The following TNRC6A variants were observed in gnomAD, a reference collection of about 807,000 sequenced individuals.
TNRC6A encodes trinucleotide repeat containing adaptor 6A, also known as trinucleotide repeat-containing gene 6A protein.
A neutral mutation model predicts 221.2 loss-of-function variants in TNRC6A; 44 were observed. The observed-to-expected ratio is 0.20, with a 90% confidence interval of 0.16 to 0.26. The LOEUF is 0.26. Ranked by LOEUF, TNRC6A falls within the 10% of genes least tolerant of loss-of-function variation. The probability of loss-of-function intolerance (pLI) is 1.00; values close to 1 mark genes in which losing one functional copy is unlikely to be tolerated. For synonymous variants in TNRC6A, 847 were observed against 838.5 expected (o/e 1.01, Z -0.18); for missense variants, 2,199 against 2,404.4 (o/e 0.91, Z 1.79).
rs535936498 is a variant in TNRC6A at position 24,806,910 on chromosome 16, CAGAG to C, written c.4540+129_4540+132del. ...CATTGATCTCTTAGCTGTTCCCTCTCAGAGAGTTGCCATCCCCTCTCCTAGTTTT... is the reference window on the plus strand; with the variant it reads ...CATTGATCTCTTAGCTGTTCCCTCTCAGTTGCCATCCCCTCTCCTAGTTTT... On this transcript the variant is annotated intron_variant, in intron 17 of 24. Transcript: ENST00000395799. The C allele has an allele frequency of 5.7e-4, 501 of 881,338 alleles. 2 individuals are homozygous for C. The South Asian group carries it at 6.4e-3, about 11-fold the overall frequency. 54.6% of individuals were successfully genotyped at this position (881,338 alleles called of 1,614,324 possible).
rs753929692 is a variant in TNRC6A at position 24,820,247 on chromosome 16, C to T, written c.5189C>T (p.Pro1730Leu). 14 of 1,613,992 alleles carry T rather than the reference C, an allele frequency of 8.7e-6. No individual in the cohort carries two copies. The East Asian group carries it at 1.3e-4, about 15-fold the overall frequency. The change falls in exon 22 of 25, where the codon CCG (proline) becomes CTG (leucine). Residue 1730 changes from proline to leucine, a missense_variant. Pro to Leu is a moderately conservative substitution (Grantham distance 98). Transcript: ENST00000395799. ...TTGCCACCTAAAAACATCACTGCTC[C>T]GTCCCGCCCACCTCCGGGACTGACT... ...VPLPPKNITA[P>L]SRPPPGLTGQ...
chr16:24,617,162 G>C (rs1165651256), intron 1 of TNRC6A, among the ~76,000 whole-genome samples: 1 of 148,414 alleles, frequency 6.7e-6, no homozygotes, highest in African/African-American at 2.5e-5. Flanking sequence ...GTCCCACTCT[G>C]TTGCCCAGGC....
intron 11 of TNRC6A, among the ~76,000 whole-genome samples, chr16:24,799,503 C>T (rs75116732): frequency 1.3e-5 from 2 of 152,340 alleles, no homozygotes; most frequent in East Asian, 3.9e-4. Flanking sequence ...TTGTATTCAT[C>T]ACTGGCTATA....
chr16:24,652,887 G>A (rs941645190), intron 2 of TNRC6A, among the ~76,000 whole-genome samples: 1 of 152,134 alleles, frequency 6.6e-6, no homozygotes, highest in Non-Finnish European at 1.5e-5. Context: ...AATTACCCTT[G>A]CACTATCTGA....
chr16:24,786,827 G>A (rs745750380), intron 5 of TNRC6A, among the ~76,000 whole-genome samples: 2 of 152,100 alleles, frequency 1.3e-5, no homozygotes, highest in Admixed American at 6.5e-5. Flanking sequence ...GACTGCAGGC[G>A]CCTGCCACCA....
rs1473426977 is a variant in TNRC6A at position 24,804,301 on chromosome 16, C to T, written c.3819C>T (p.Arg1273=). 1.2e-6 allele frequency: 2 copies of T among 1,612,784 alleles called. No homozygotes were observed. Among genetic ancestry groups the T allele is most frequent in the African/African-American group, 1.3e-5 (1 of 74,930 alleles). ...TTTCCAAAGAGTCTTCCATGGAGCG[C>T]AATCCTTATTTTGATAAGGTAAGGT... ...PQISKESSME[R]NPYFDKDGIV... is the part of the protein sequence containing the mutation. The change falls in exon 12 of 25, where the codon CGC becomes CGT. Residue 1273 remains arginine, a synonymous_variant. Transcript: ENST00000395799.
chr16:24,666,002 C>G (rs1249217796), intron 2 of TNRC6A, among the ~76,000 whole-genome samples: 1 of 152,024 alleles, frequency 6.6e-6, no homozygotes, highest in Non-Finnish European at 1.5e-5. Context: ...AAATGGGAAA[C>G]CTTCTGAGTG....
intron 2 of TNRC6A, among the ~76,000 whole-genome samples, chr16:24,709,132 C>T (rs540276612): frequency 1.3e-5 from 2 of 152,086 alleles, no homozygotes; most frequent in Non-Finnish European, 2.9e-5. Context: ...TGGTGCATGC[C>T]TGTAATTCCA....
At chr16:24,683,094 T>C (rs1447880480) in intron 2 of TNRC6A, among the ~76,000 whole-genome samples, 1 of 152,292 alleles carries the variant, frequency 6.6e-6, no homozygotes, top group African/African-American at 2.4e-5. Context: ...GGAGACCCCA[T>C]GACGAGCACA....
intron 2 of TNRC6A, among the ~76,000 whole-genome samples, chr16:24,657,138 C>T (rs191644516): frequency 5.4e-4 from 82 of 151,388 alleles, no homozygotes; most frequent in Admixed American, 1.8e-3. Flanking sequence ...CATAGCAAGA[C>T]GCTATCTTCT....
chr16:24,806,310 G>T (rs2058431002), intron 16 of TNRC6A, 27 bp downstream of exon 16: 3 of 1,612,580 alleles, frequency 1.9e-6, no homozygotes, highest in Non-Finnish European at 2.5e-6. Flanking sequence ...AACTCGCAAT[G>T]CTGTCTTTGT....
chr16:24,749,526 T>G (rs2057089592), intron 2 of TNRC6A, among the ~76,000 whole-genome samples: 1 of 152,178 alleles, frequency 6.6e-6, no homozygotes, highest in South Asian at 2.1e-4. Flanking sequence ...GCTTTTCTAT[T>G]CCTTAGGCAG....
chr16:24,729,760 G>T lies in TNRC6A; in HGVS notation c.-82G>T. 7.4e-7 allele frequency: 1 copy of T among 1,353,896 alleles called. No homozygotes were observed. The allele number at this position is 1,353,896 out of a possible 1,614,324, so 83.9% of individuals were successfully genotyped here. On this transcript the variant is annotated 5_prime_UTR_variant, in exon 1 of 25. Coordinates refer to ENST00000395799, the MANE Select transcript of TNRC6A (RefSeq NM_014494.4). ...AAATGGCGCTGGTGCAGCGGCTCGG[G>T]CCTCTCCCCGCGGCGCTGCGGAGGG... is the stretch of plus-strand genomic sequence containing the variant.
chr16:24,700,944 C>T (rs2055961398), intron 2 of TNRC6A, among the ~76,000 whole-genome samples: 1 of 152,228 alleles, frequency 6.6e-6, no homozygotes, highest in African/African-American at 2.4e-5. Context: ...TTGTCTGTCA[C>T]TGACCCAATG....
At chr16:24,798,512 T>C (rs958348657) in intron 11 of TNRC6A, among the ~76,000 whole-genome samples, 7 of 152,264 alleles carry the variant, frequency 4.6e-5, no homozygotes, top group Admixed American at 3.9e-4. Flanking sequence ...ATCATCTTGA[T>C]TATAGATTGA....
chr16:24,682,625 C>A (rs2055554749), intron 2 of TNRC6A, among the ~76,000 whole-genome samples: 2 of 152,162 alleles, frequency 1.3e-5, no homozygotes, highest in Non-Finnish European at 1.5e-5. Context: ...ACCCCTATGC[C>A]TGAAAGGCCA....
chr16:24,820,269 G>C lies in TNRC6A; in HGVS notation c.5211G>C (p.Leu1737=), dbSNP rs768447788. Residue 1737 remains leucine (L), a synonymous_variant, in exon 22 of 25, where the codon CTG becomes CTC. Transcript: ENST00000395799. ...CTCCGTCCCGCCCACCTCCGGGACT[G>C]ACTGGTCAGAAGCCACCCTTGTCTA... ...ITAPSRPPPG[L]TGQKPPLSTW... is the part of the protein sequence containing the mutation. 6.8e-6 allele frequency: 11 copies of C among 1,614,048 alleles called. No individual in the cohort carries two copies. In the East Asian group the frequency reaches 2.4e-4, roughly 36 times the overall value.
At chr16:24,813,615 C>CA (rs2058593682) in intron 18 of TNRC6A, among the ~76,000 whole-genome samples, 1 of 152,194 alleles carries the variant, frequency 6.6e-6, no homozygotes, top group East Asian at 1.9e-4. Context: ...CAGTGGTCAG[C>CA]AGATCATAGC....
At chr16:24,705,983 T>C (rs1263308747) in intron 2 of TNRC6A, among the ~76,000 whole-genome samples, 1 of 152,160 alleles carries the variant, frequency 6.6e-6, no homozygotes, top group Admixed American at 6.5e-5. Flanking sequence ...TCATAAACAA[T>C]GAGTTAAGTC....
Sources: allele counts gnomAD v4.1 joint callset (sites outside exome capture counted in the v4.1 genomes callset), GRCh38; gene constraint gnomAD v4.1.1; transcripts MANE v1.5; gene names NCBI Gene and HGNC (gene_info 2026-07-23, HGNC 2026-07-21).